Variants in KDR observed in about 807,000 individuals in gnomAD.
KDR encodes the protein kinase insert domain receptor.
Under a neutral mutation model 160.9 loss-of-function variants are expected in KDR, and 43 were observed. That is an observed-to-expected ratio of 0.27 (90% CI 0.21 to 0.34). KDR has a LOEUF of 0.34. KDR is among the 10% of genes least tolerant of loss of function. The pLI is 1.00. For synonymous variants in KDR, 617 were observed against 600.1 expected (o/e 1.03, Z -0.41); for missense variants, 1,469 against 1,666.4 (o/e 0.88, Z 2.06).
chr4:55,079,291 C>A lies in KDR; in HGVS notation c.*650G>T. The A allele has an allele frequency of 4.2e-6, 1 of 235,398 alleles. No individual in the cohort carries two copies. Among genetic ancestry groups the A allele is most frequent in the Non-Finnish European group, 8.4e-6 (1 of 119,554 alleles). The allele number at this position is 235,398 out of a possible 1,614,324, so 14.6% of individuals were successfully genotyped here. The stretch of plus-strand genomic sequence containing the variant: ...CAGCACAACGAACTCTACTTTAGCC[C>A]AACTCGAAGAACACGCAACCTTCTA... On this transcript the variant is annotated 3_prime_UTR_variant, in exon 30 of 30. Transcript: ENST00000263923.
chr4:55,124,607 T>A (rs1244405884), intron 1 of KDR, among the ~76,000 whole-genome samples: 2 of 151,730 alleles, frequency 1.3e-5, no homozygotes, highest in Non-Finnish European at 2.9e-5. Context: ...CCAGGACAAG[T>A]CCCTATTCCC....
At chr4:55,119,574 C>T (rs1414521332) in intron 2 of KDR, among the ~76,000 whole-genome samples, 1 of 152,106 alleles carries the variant, frequency 6.6e-6, no homozygotes, top group African/African-American at 2.4e-5. Context: ...CTTGATAAAG[C>T]TAGCCATAGG....
chr4:55,104,542 T>C, intron 13 of KDR, 101 bp downstream of exon 13: 2 of 904,446 alleles, frequency 2.2e-6, no homozygotes, highest in South Asian at 1.4e-5. Context: ...GTTTACAACA[T>C]AATCTCCTAG....
At chr4:55,082,435 C>T in intron 28 of KDR, 101 bp downstream of exon 28, 1 of 897,850 alleles carries the variant, frequency 1.1e-6, no homozygotes, top group South Asian at 1.4e-5. Context: ...GGGCAGCCTT[C>T]TAATGAGGCT....
intron 13 of KDR, 197 bp downstream of exon 13, chr4:55,104,446 T>G: frequency 1.6e-6 from 1 of 618,116 alleles, no homozygotes; most frequent in South Asian, 1.9e-5. Context: ...ATCATCAGGT[T>G]TTGTTATTTT....
intron 9 of KDR, among the ~76,000 whole-genome samples, chr4:55,110,038 G>A (rs1315674700): frequency 1.3e-5 from 2 of 152,200 alleles, no homozygotes; most frequent in Non-Finnish European, 2.9e-5. Context: ...CTAAGGAGAA[G>A]GGTCTTACAC....
chr4:55,098,525 T>C (rs557735759), intron 16 of KDR, among the ~76,000 whole-genome samples, 172 bp downstream of exon 16: 1 of 152,094 alleles, frequency 6.6e-6, no homozygotes, highest in African/African-American at 2.4e-5. Context: ...TTCTATCAAT[T>C]AAATCCCTGA....
At chr4:55,083,677 C>A (rs986826591) in intron 27 of KDR, among the ~76,000 whole-genome samples, 1 of 152,134 alleles carries the variant, frequency 6.6e-6, no homozygotes, top group Non-Finnish European at 1.5e-5. Flanking sequence ...AAAATACATT[C>A]TTCATTCCTA....
chr4:55,111,323 T>C (rs1412479055), intron 7 of KDR, among the ~76,000 whole-genome samples: 1 of 152,210 alleles, frequency 6.6e-6, no homozygotes, highest in Non-Finnish European at 1.5e-5. Flanking sequence ...TATCTAACAC[T>C]GTTTCCCTAA....
chr4:55,082,111 A>AT, intron 28 of KDR, 70 bp from the exon 29 acceptor site: 1 of 1,071,770 alleles, frequency 9.3e-7, no homozygotes, highest in Non-Finnish European at 1.5e-6. Context: ...AATTAAGCTG[A>AT]TTTCTCAACC....
chr4:55,090,400 A>C (rs1330334267), intron 22 of KDR, among the ~76,000 whole-genome samples: 1 of 152,156 alleles, frequency 6.6e-6, no homozygotes, highest in Non-Finnish European at 1.5e-5. Flanking sequence ...ACCTGGCCCC[A>C]TATTTGGTTT....
chr4:55,092,876 C>CCTT (rs1720053239), intron 21 of KDR, among the ~76,000 whole-genome samples, 162 bp from the exon 22 acceptor site: 1 of 152,162 alleles, frequency 6.6e-6, no homozygotes, highest in Admixed American at 6.5e-5. Flanking sequence ...TCCTGAATCC[C>CCTT]AGTATCATTA....
In KDR at chr4:55,110,753, G is replaced by C. The variant is rs1294722006; in HGVS notation, c.992C>G (p.Ala331Gly). The C allele has an allele frequency of 6.3e-7, 1 of 1,595,332 alleles. No individual in the cohort carries two copies. Among genetic ancestry groups the C allele is most frequent in the South Asian group, 1.1e-5 (1 of 88,646 alleles). The stretch of plus-strand genomic sequence containing the variant: ...CAGAGATTCCATGCCACTTCCAAAA[G>C]CAACAAAAGGTTTTTCTGGAAGAAA... ...FVRVHEKPFVAFGSGMESLVE... is the reference protein window; with the variant it reads ...FVRVHEKPFVGFGSGMESLVE... The change falls in exon 8 of 30, where the codon GCT (alanine) becomes GGT (glycine). Residue 331 changes from alanine to glycine, a missense_variant. Physicochemically the swap from Ala to Gly is moderately conservative, Grantham distance 60. This residue lies in a region of KDR where 792 missense variants were observed against 840.9 expected (regional missense o/e 0.94). Transcript: ENST00000263923.
At chr4:55,086,067 C>G (rs1342479665) in intron 27 of KDR, among the ~76,000 whole-genome samples, 4 of 152,228 alleles carry the variant, frequency 2.6e-5, no homozygotes, top group African/African-American at 9.6e-5. Context: ...CACTAAAAGG[C>G]CAGCTCAACT....
Position 55,079,212 on chromosome 4 carries a change from C to A in KDR, c.*729G>T. The A allele has an allele frequency of 4.3e-6, 1 of 233,364 alleles. No individual in the cohort carries two copies. 14.5% of individuals were successfully genotyped at this position (233,364 alleles called of 1,614,324 possible). A position where few individuals can be genotyped will look rare whatever the true frequency, so the allele number is the denominator to read the frequency against. Reference sequence around the variant, plus strand: ...GAGCTGCATCATTTCCTTCCTGGGGCTTGGCCAGGAGACACGTAACGGTCT... The same window carrying A: ...GAGCTGCATCATTTCCTTCCTGGGGATTGGCCAGGAGACACGTAACGGTCT... On this transcript the variant is annotated 3_prime_UTR_variant, in exon 30 of 30. Transcript: ENST00000263923.
intron 27 of KDR, among the ~76,000 whole-genome samples, chr4:55,082,871 A>G (rs1210518851): frequency 6.6e-6 from 1 of 152,226 alleles, no homozygotes; most frequent in African/African-American, 2.4e-5. Flanking sequence ...GTTCTTTTGA[A>G]TCCTACTTCT....
chr4:55,096,892 A>C (rs1443824953), intron 18 of KDR, among the ~76,000 whole-genome samples: 1 of 152,148 alleles, frequency 6.6e-6, no homozygotes, highest in Non-Finnish European at 1.5e-5. Context: ...ACTTCCCACT[A>C]ATTCACAGGC....
chr4:55,098,061 C>T, intron 17 of KDR, 76 bp downstream of exon 17: 2 of 1,546,996 alleles, frequency 1.3e-6, no homozygotes, highest in South Asian at 1.1e-5. Context: ...GAATACACCA[C>T]ATTTGTCATC....
chr4:55,105,814 C>T lies in KDR; in HGVS notation c.1645+18G>A, dbSNP rs1430935341. ...TGTGTGAGTGATCCAACCCAAACCT[C>T]CAGAGAAGAGTACTTACTGGTCACG... is the stretch of plus-strand genomic sequence containing the variant. On this transcript the variant is annotated intron_variant, in intron 12 of 29. Coordinates refer to ENST00000263923, the MANE Select transcript of KDR (RefSeq NM_002253.4). 1 of 1,486,522 alleles carries T rather than the reference C, an allele frequency of 6.7e-7. No homozygotes were observed. The highest frequency in any genetic ancestry group is 2.3e-5 in the East Asian group (1 of 44,264). The allele number at this position is 1,486,522 out of a possible 1,614,324, so 92.1% of individuals were successfully genotyped here. A position where few individuals can be genotyped will look rare whatever the true frequency, so the allele number is the denominator to read the frequency against.
Sources: allele counts gnomAD v4.1 joint callset (sites outside exome capture counted in the v4.1 genomes callset), GRCh38; gene constraint gnomAD v4.1.1; regional missense constraint gnomAD v4.1.1; transcripts MANE v1.5; gene names NCBI Gene and HGNC (gene_info 2026-07-23, HGNC 2026-07-21).